Variants in EIPR1 observed in about 807,000 individuals in gnomAD.
EIPR1 encodes the protein EARP complex and GARP complex interacting protein 1.
EIPR1 carries 25 observed loss-of-function variants against 48.1 expected under a neutral mutation model. That is an observed-to-expected ratio of 0.52 (90% CI 0.38 to 0.73). The LOEUF (loss-of-function observed/expected upper bound fraction) is 0.73. EIPR1 is among the 30% of genes least tolerant of loss of function. The pLI is 0.00. For missense variants in EIPR1, 415 were observed against 506.2 expected (o/e 0.82, Z 1.73); for synonymous variants, 204 against 201.9 (o/e 1.01, Z -0.09).
intron 3 of EIPR1, among the ~76,000 whole-genome samples, chr2:3,303,573 G>A (rs1016813581): frequency 5.9e-5 from 9 of 152,210 alleles, no homozygotes; most frequent in Non-Finnish European, 8.8e-5. Flanking sequence ...GGGTCACAGC[G>A]AAACTGGAAA....
Position 3,286,175 on chromosome 2 carries a change from C to T in EIPR1, c.260-28720G>A, listed in dbSNP as rs1668178864. Among the ~76,000 whole-genome samples the T allele has an allele frequency of 6.6e-6, 1 of 152,222 alleles. No individual in the cohort carries two copies. Among genetic ancestry groups the T allele is most frequent in the Non-Finnish European group, 1.5e-5 (1 of 68,042 alleles). On this transcript the variant is annotated intron_variant, in intron 3 of 8. Coordinates refer to ENST00000382125, the MANE Select transcript of EIPR1 (RefSeq NM_003310.5). The surrounding 1 kb of genome is among the most constrained non-coding windows in gnomAD (Gnocchi z 4.2). ...CACAAGCCACACCTGCTATCCCTGC[C>T]TGATTCCCCACCCTCAGAACCCATG...
chr2:3,189,391 G>T lies in EIPR1; in HGVS notation c.1107C>A (p.Asp369Glu). Residue 369 changes from aspartate (D) to glutamate (E), a missense_variant, in exon 9 of 9, where the codon GAC becomes GAA. Coordinates refer to ENST00000382125, the MANE Select transcript of EIPR1 (RefSeq NM_003310.5). The surrounding 1 kb of genome is among the most constrained non-coding windows in gnomAD (Gnocchi z 4.6). Reference sequence around the variant, plus strand: ...GCACCCTGTTGATCACGAGCCTCCCGTCATAGCTCAGGGAGGCAAACAGCC... The same window carrying T: ...GCACCCTGTTGATCACGAGCCTCCCTTCATAGCTCAGGGAGGCAAACAGCC... ...DPWLFASLSYDGRLVINRVPR... is the reference protein window; with the variant it reads ...DPWLFASLSYEGRLVINRVPR... 1 of 1,603,760 alleles carries T rather than the reference G, an allele frequency of 6.2e-7. No homozygotes were observed.
At chr2:3,310,526 G>A (rs1281948352) in intron 3 of EIPR1, among the ~76,000 whole-genome samples, 3 of 145,544 alleles carry the variant, frequency 2.1e-5, no homozygotes, top group Non-Finnish European at 3.0e-5. Context: ...AGTGGCGGGC[G>A]CCTGTAGTCC....
chr2:3,269,144 C>T (rs181907483), intron 3 of EIPR1, among the ~76,000 whole-genome samples: 7 of 152,344 alleles, frequency 4.6e-5, no homozygotes, highest in African/African-American at 7.2e-5. Context: ...TCCAAAAATG[C>T]GTGTGGTCTG....
At chr2:3,266,170 C>G (rs999801849) in intron 3 of EIPR1, among the ~76,000 whole-genome samples, 21 of 152,236 alleles carry the variant, frequency 1.4e-4, no homozygotes, top group African/African-American at 5.1e-4. Flanking sequence ...TGAATAGTAG[C>G]TCCAGTCAGC....
At chr2:3,366,881 C>G (rs1272375156) in intron 1 of EIPR1, among the ~76,000 whole-genome samples, 1 of 151,994 alleles carries the variant, frequency 6.6e-6, no homozygotes, top group Non-Finnish European at 1.5e-5. Flanking sequence ...GGTGAAACCC[C>G]ATCTCTACTA....
chr2:3,315,006 C>T (rs779382463), intron 3 of EIPR1, among the ~76,000 whole-genome samples: 58 of 151,610 alleles, frequency 3.8e-4, no homozygotes, highest in Non-Finnish European at 7.5e-4. Context: ...TGCATCCCCT[C>T]GTGCTGCACT....
At chr2:3,247,624 G>A (rs369259579) in intron 4 of EIPR1, among the ~76,000 whole-genome samples, 1 of 152,174 alleles carries the variant, frequency 6.6e-6, no homozygotes, top group Non-Finnish European at 1.5e-5. Flanking sequence ...AAAGTGCTGG[G>A]AAGCATTAGA....
intron 3 of EIPR1, among the ~76,000 whole-genome samples, chr2:3,326,312 G>A (rs1669697056): frequency 6.6e-6 from 1 of 152,152 alleles, no homozygotes; most frequent in Non-Finnish European, 1.5e-5. Context: ...GAGGTTACTT[G>A]ACTGGTCCGG....
intron 3 of EIPR1, among the ~76,000 whole-genome samples, chr2:3,308,508 G>A (rs1290788372): frequency 6.6e-6 from 1 of 150,844 alleles, no homozygotes; most frequent in Non-Finnish European, 1.5e-5. Flanking sequence ...AAAATAGACG[G>A]AAAAAAAAAT....
At chr2:3,294,337 C>A (rs1027273794) in intron 3 of EIPR1, among the ~76,000 whole-genome samples, 1 of 148,250 alleles carries the variant, frequency 6.7e-6, no homozygotes, top group Non-Finnish European at 1.5e-5. Context: ...TCCATCCAGC[C>A]GATCTTCTCT....
chr2:3,257,252 C>A (rs1350771759), intron 4 of EIPR1, 47 bp downstream of exon 4: 2 of 1,574,448 alleles, frequency 1.3e-6, no homozygotes, highest in Middle Eastern at 1.8e-4. Context: ...CTGCACCTGG[C>A]CAACCTGCAG....
chr2:3,203,634 G>A (rs1380184803), intron 5 of EIPR1, among the ~76,000 whole-genome samples: 1 of 152,254 alleles, frequency 6.6e-6, no homozygotes, highest in East Asian at 1.9e-4. Context: ...AGGCAGAAGA[G>A]GCCCATGGTC....
intron 3 of EIPR1, among the ~76,000 whole-genome samples, chr2:3,332,349 C>T (rs1012361533): frequency 3.3e-5 from 5 of 152,168 alleles, no homozygotes; most frequent in African/African-American, 7.2e-5. Context: ...TGGAAGTACC[C>T]GGCAGCTCCG....
intron 3 of EIPR1, among the ~76,000 whole-genome samples, chr2:3,304,227 G>C (rs1050814694): frequency 2.6e-5 from 4 of 152,186 alleles, no homozygotes; most frequent in Admixed American, 2.6e-4. Flanking sequence ...TGCTGTGCGC[G>C]GGGAGGTGGT....
At chr2:3,288,881 G>A (rs1423847468) in intron 3 of EIPR1, among the ~76,000 whole-genome samples, 2 of 152,250 alleles carry the variant, frequency 1.3e-5, no homozygotes, top group Non-Finnish European at 2.9e-5. Context: ...GGAGGGCCAG[G>A]TGATGGCCTC....
At chr2:3,357,075 C>T (rs908396303) in intron 1 of EIPR1, among the ~76,000 whole-genome samples, 21 of 152,204 alleles carry the variant, frequency 1.4e-4, no homozygotes, top group Non-Finnish European at 3.1e-4. Flanking sequence ...ACCAATCACA[C>T]TGATTGTGGG....
intron 4 of EIPR1, among the ~76,000 whole-genome samples, chr2:3,238,851 G>A (rs904352575): frequency 6.6e-6 from 1 of 152,150 alleles, no homozygotes; most frequent in African/African-American, 2.4e-5. Flanking sequence ...CGGGCCCTCC[G>A]GCTCCTTACA....
intron 4 of EIPR1, among the ~76,000 whole-genome samples, chr2:3,237,637 G>A (rs1666456098): frequency 6.6e-6 from 1 of 152,158 alleles, no homozygotes; most frequent in South Asian, 2.1e-4. Flanking sequence ...GCGCTAAGAG[G>A]AGAGCACAGA....
Sources: gnomAD v4.1 joint callset for allele counts (sites outside exome capture counted in the v4.1 genomes callset) on GRCh38, gnomAD v4.1.1 for gene constraint, Gnocchi (gnomAD v3.1) non-coding constraint, MANE v1.5 for transcripts, NCBI Gene and HGNC (gene_info 2026-07-23, HGNC 2026-07-21) for gene names.